Variants in ASXL2 observed in about 807,000 individuals in gnomAD.
The protein encoded by ASXL2 is ASXL transcriptional regulator 2, also known as putative Polycomb group protein ASXL2.
ASXL2 carries 23 observed loss-of-function variants against 122.0 expected under a neutral mutation model. The ratio of observed to expected loss-of-function variants is 0.19; its 90% confidence interval spans 0.14 to 0.27. ASXL2 has a LOEUF of 0.27. Ranked by LOEUF, ASXL2 falls within the 10% of genes least tolerant of loss-of-function variation. The pLI is 1.00. For missense variants in ASXL2, 1,518 were observed against 1,713.8 expected (o/e 0.89, Z 2.02); for synonymous variants, 650 against 637.0 (o/e 1.02, Z -0.31).
chr2:25,860,662 G>T (rs896096309), intron 1 of ASXL2, among the ~76,000 whole-genome samples: 12 of 151,818 alleles, frequency 7.9e-5, no homozygotes, highest in Middle Eastern at 3.4e-3. Context: ...AGTGATCCGA[G>T]ATCATGCCAC....
intron 3 of ASXL2, among the ~76,000 whole-genome samples, chr2:25,832,656 C>A (rs1025325244): frequency 6.6e-6 from 1 of 152,078 alleles, no homozygotes; most frequent in Non-Finnish European, 1.5e-5. Flanking sequence ...CATGCACTTA[C>A]CACACAACCC....
intron 5 of ASXL2, among the ~76,000 whole-genome samples, chr2:25,786,577 G>A (rs2088751279): frequency 6.6e-6 from 1 of 152,074 alleles, no homozygotes; most frequent in South Asian, 2.1e-4. Context: ...AAAAGGCTGG[G>A]TATTGGTGGC....
chr2:25,776,425 G>T (rs1181066343), intron 5 of ASXL2, among the ~76,000 whole-genome samples: 1 of 152,128 alleles, frequency 6.6e-6, no homozygotes, highest in Non-Finnish European at 1.5e-5. Flanking sequence ...CATTTGGATT[G>T]TTTCTACTTT....
At chr2:25,749,116 C>T (rs1465213635) in intron 12 of ASXL2, among the ~76,000 whole-genome samples, 1 of 152,228 alleles carries the variant, frequency 6.6e-6, no homozygotes, top group African/African-American at 2.4e-5. Context: ...CCTTTGATTA[C>T]ACCAATAGTC....
At chr2:25,747,741 A>C (rs893536756) in intron 12 of ASXL2, among the ~76,000 whole-genome samples, 3 of 152,164 alleles carry the variant, frequency 2.0e-5, no homozygotes, top group African/African-American at 7.2e-5. Context: ...AAAGTTTCTA[A>C]TATTTTTATA....
chr2:25,781,059 C>CAAAAAAAA (rs56394505), intron 5 of ASXL2, among the ~76,000 whole-genome samples: 2 of 109,884 alleles, frequency 1.8e-5, no homozygotes, highest in Non-Finnish European at 3.7e-5. Flanking sequence ...ACTCCATCTC[C>CAAAAAAAA]AAAAAAAAAA....
rs2087748549 is a variant in ASXL2 at position 25,737,107 on chromosome 2, C to A, written c.*4922G>T. 6.6e-6 allele frequency: 1 copy of A among 151,964 alleles called. No individual in the cohort carries two copies. Among genetic ancestry groups the A allele is most frequent in the Non-Finnish European group, 1.5e-5 (1 of 68,004 alleles). 9.4% of individuals were successfully genotyped at this position (151,964 alleles called of 1,614,324 possible). A position where few individuals can be genotyped will look rare whatever the true frequency, so the allele number is the denominator to read the frequency against. ...ATGCTGAAATAGAACCTAATCAAGGCACAGGTGTTTCTCTTCACATTATTT... is the reference window on the plus strand; with the variant it reads ...ATGCTGAAATAGAACCTAATCAAGGAACAGGTGTTTCTCTTCACATTATTT... On this transcript the variant is annotated 3_prime_UTR_variant, in exon 13 of 13. Transcript: ENST00000435504.
In ASXL2 at chr2:25,744,090, C is replaced by T; in HGVS notation, c.2247G>A (p.Glu749=). ...GTRELLPCGP[E]TQPQSETKTT... Reference sequence around the variant, plus strand: ...TCTTGGTCTCAGACTGGGGCTGAGTCTCTGGACCACAGGGTAAAAGCTCTC... The same window carrying T: ...TCTTGGTCTCAGACTGGGGCTGAGTTTCTGGACCACAGGGTAAAAGCTCTC... Residue 749 remains glutamate (E), a synonymous_variant, in exon 13 of 13, where the codon GAG becomes GAA. Coordinates refer to ENST00000435504, the MANE Select transcript of ASXL2 (RefSeq NM_018263.6). This position sits in a 1 kb window ranked among gnomAD's most constrained non-coding sequence, Gnocchi z 4.7. 13 of 1,613,944 alleles carry T rather than the reference C, an allele frequency of 8.1e-6. No homozygotes were observed. Among genetic ancestry groups the T allele is most frequent in the Non-Finnish European group, 1.1e-5 (13 of 1,179,864 alleles).
intron 8 of ASXL2, 118 bp from the exon 9 acceptor site, chr2:25,759,763 C>A (rs1224909323): frequency 2.9e-6 from 3 of 1,034,342 alleles, no homozygotes; most frequent in African/African-American, 1.6e-5. Flanking sequence ...TATCACACTA[C>A]GAAGAAGGTA....
chr2:25,773,645 G>T (rs1384629279), intron 5 of ASXL2, among the ~76,000 whole-genome samples: 1 of 137,362 alleles, frequency 7.3e-6, no homozygotes, highest in African/African-American at 2.7e-5. Context: ...CAGCCTGGGC[G>T]ACAGAGAGAG....
intron 3 of ASXL2, among the ~76,000 whole-genome samples, chr2:25,814,093 T>C (rs866033969): frequency 6.6e-5 from 10 of 152,190 alleles, no homozygotes; most frequent in Admixed American, 2.0e-4. Context: ...CAAACTGCCA[T>C]AATATTTTCC....
chr2:25,856,519 G>A, intron 1 of ASXL2: 2 of 1,110,970 alleles, frequency 1.8e-6, no homozygotes, highest in South Asian at 1.2e-5. Flanking sequence ...GTCCCCAAGA[G>A]CCTCCTCAAT....
intron 1 of ASXL2, among the ~76,000 whole-genome samples, chr2:25,875,339 A>T (rs2090001583): frequency 6.6e-6 from 1 of 152,124 alleles, no homozygotes; most frequent in African/African-American, 2.4e-5. Flanking sequence ...ACAGTGGCAC[A>T]TGCCTATAGT....
intron 3 of ASXL2, among the ~76,000 whole-genome samples, chr2:25,835,321 CTT>C: frequency 6.6e-6 from 1 of 152,224 alleles, no homozygotes; most frequent in Middle Eastern, 3.4e-3. Context: ...GATTTCTAAA[CTT>C]ATGATCAAAC....
intron 4 of ASXL2, among the ~76,000 whole-genome samples, chr2:25,803,133 A>AAATGAATG (rs70950123): frequency 0.23 from 34,326 of 148,546 alleles, 4,618 homozygotes; most frequent in Non-Finnish European, 0.3. Context: ...CTCCATCTCA[A>AAATGAATG]AATGAATGAA....
chr2:25,767,474 G>T, intron 8 of ASXL2, 109 bp downstream of exon 8: 1 of 1,178,472 alleles, frequency 8.5e-7, no homozygotes, highest in Non-Finnish European at 1.2e-6. Context: ...TCTTTGCTAT[G>T]TAACTCAAAT....
At chr2:25,754,990 C>G (rs906510782) in intron 10 of ASXL2, among the ~76,000 whole-genome samples, 2 of 152,170 alleles carry the variant, frequency 1.3e-5, no homozygotes, top group Non-Finnish European at 2.9e-5. Context: ...ATTAGCTGTT[C>G]ACTTTAACTG....
intron 7 of ASXL2, among the ~76,000 whole-genome samples, chr2:25,768,306 C>A (rs1574405869): frequency 6.6e-6 from 1 of 152,132 alleles, no homozygotes; most frequent in African/African-American, 2.4e-5. Context: ...AATCCCAGTG[C>A]TAACATTTTT....
intron 3 of ASXL2, among the ~76,000 whole-genome samples, chr2:25,833,695 C>CAA (rs35746015): frequency 4.3e-5 from 6 of 140,932 alleles, no homozygotes; most frequent in African/African-American, 1.0e-4. Context: ...GACCCTGTCT[C>CAA]AAAAAAAAAA....
Sources: gnomAD v4.1 joint callset for allele counts (sites outside exome capture counted in the v4.1 genomes callset) on GRCh38, gnomAD v4.1.1 for gene constraint, Gnocchi (gnomAD v3.1) non-coding constraint, MANE v1.5 for transcripts, NCBI Gene and HGNC (gene_info 2026-07-23, HGNC 2026-07-21) for gene names.